Variants in SGCZ observed in about 807,000 individuals in gnomAD.
The protein encoded by SGCZ is sarcoglycan zeta.
SGCZ carries 40 observed loss-of-function variants against 41.3 expected under a neutral mutation model. The observed-to-expected ratio is 0.97, with a 90% confidence interval of 0.75 to 1.26. The LOEUF is 1.26. Among genes scored for constraint, SGCZ ranks in the 50% most tolerant of loss-of-function variants. The pLI is 0.00. For missense variants in SGCZ, 552 were observed against 369.8 expected (o/e 1.49, Z -4.04); for synonymous variants, 206 against 137.5 (o/e 1.50, Z -3.49).
intron 3 of SGCZ, chr8:14,309,733 C>G (rs541986979): frequency 6.2e-7 from 1 of 1,602,396 alleles, no homozygotes; most frequent in Non-Finnish European, 8.5e-7. Context: ...GATTTGGGAG[C>G]TGAACCAAAG....
At chr8:14,445,302 A>G (rs1800399207) in intron 2 of SGCZ, among the ~76,000 whole-genome samples, 1 of 152,172 alleles carries the variant, frequency 6.6e-6, no homozygotes, top group Non-Finnish European at 1.5e-5. Context: ...GGTTCATTCT[A>G]AACAATGTAT....
At chr8:14,431,148 C>G (rs1230603814) in intron 2 of SGCZ, among the ~76,000 whole-genome samples, 1 of 152,090 alleles carries the variant, frequency 6.6e-6, no homozygotes, top group African/African-American at 2.4e-5. Flanking sequence ...CAATTGCCAT[C>G]AAAATACCAC....
At position 14,380,633 on chromosome 8, in the gene SGCZ, C is replaced by T. The variant is rs58336745; in HGVS notation, c.235-56429G>A. ...CTTTGGGAGGCCAAGGCAGGCACAT[C>T]GTCAGGTCAACAGGTCGAGACCACC... On this transcript the variant is annotated intron_variant, in intron 2 of 7. Transcript: ENST00000382080. 2.2e-4 allele frequency among the ~76,000 whole-genome samples: 33 copies of T among 152,206 alleles called. No homozygotes were observed. In the East Asian group the frequency reaches 5.4e-3, roughly 25 times the overall value.
At chr8:15,123,937 G>A (rs374837239) in intron 1 of SGCZ, among the ~76,000 whole-genome samples, 11 of 152,000 alleles carry the variant, frequency 7.2e-5, no homozygotes, top group Middle Eastern at 3.4e-3. Flanking sequence ...ACAAAAGAGG[G>A]AAGGGTGGGT....
rs77616609 is a variant in SGCZ, at chr8:14,133,836, A to T, written c.548-25601T>A. On this transcript the variant is annotated intron_variant, in intron 5 of 7. Transcript: ENST00000382080. ...TCATATTAACCTCAACATGTATTTT[A>T]AAATTACCACTACATTATACTGCAC... 9.9e-3 allele frequency among the ~76,000 whole-genome samples: 1,500 copies of T among 152,222 alleles called. 27 individuals are homozygous for T. The highest frequency in any genetic ancestry group is 0.034 in the African/African-American group (1,410 of 41,518).
chr8:15,205,821 A>G (rs1424317678), intron 1 of SGCZ, among the ~76,000 whole-genome samples: 1 of 152,216 alleles, frequency 6.6e-6, no homozygotes, highest in African/African-American at 2.4e-5. Context: ...ACAAATGTTC[A>G]TTTCAGCATT....
intron 1 of SGCZ, among the ~76,000 whole-genome samples, chr8:14,890,864 A>G (rs1182028924): frequency 6.6e-6 from 1 of 152,200 alleles, no homozygotes; most frequent in Admixed American, 6.5e-5. Flanking sequence ...ACCATTTCCA[A>G]AATCCTCAGG....
At chr8:15,128,474 G>C (rs757548786) in intron 1 of SGCZ, among the ~76,000 whole-genome samples, 1 of 152,166 alleles carries the variant, frequency 6.6e-6, no homozygotes, top group Non-Finnish European at 1.5e-5. Context: ...AGCTCAGCAC[G>C]CCATCTGTTC....
chr8:14,414,125 A>G (rs1799432668), intron 2 of SGCZ, among the ~76,000 whole-genome samples: 1 of 151,980 alleles, frequency 6.6e-6, no homozygotes, highest in Admixed American at 6.6e-5. Context: ...CTTGCACATG[A>G]ATTTAAGAGA....
chr8:15,199,309 C>T (rs1206570657), intron 1 of SGCZ, among the ~76,000 whole-genome samples: 1 of 152,178 alleles, frequency 6.6e-6, no homozygotes, highest in African/African-American at 2.4e-5. Flanking sequence ...CAGCAAAAAT[C>T]TGAAGCTCAC....
Position 14,962,898 on chromosome 8 carries a change from C to CA in SGCZ, c.39+274686dup, listed in dbSNP as rs545853497. On this transcript the variant is annotated intron_variant, in intron 1 of 7. Coordinates refer to ENST00000382080, the MANE Select transcript of SGCZ (RefSeq NM_139167.4). ...TCTTTTCCATTGCAGACATGAAAAA[C>CA]AAAAAATCCATATTAAATGTCACTG... Among the ~76,000 whole-genome samples the CA allele has an allele frequency of 1.9e-3, 282 of 152,174 alleles. 1 individual carries two copies. The highest frequency in any genetic ancestry group is 6.4e-3 in the African/African-American group (267 of 41,538).
At chr8:14,548,242 C>A (rs1318947560) in intron 2 of SGCZ, among the ~76,000 whole-genome samples, 2 of 152,004 alleles carry the variant, frequency 1.3e-5, no homozygotes, top group Non-Finnish European at 2.9e-5. Context: ...AAAGGTATAG[C>A]CCCAGGGTTC....
intron 1 of SGCZ, among the ~76,000 whole-genome samples, chr8:15,022,951 T>C (rs1293883435): frequency 6.6e-6 from 1 of 152,166 alleles, no homozygotes; most frequent in East Asian, 1.9e-4. Flanking sequence ...CAGTAAGCCT[T>C]GGACCCGACA....
In SGCZ at chr8:15,126,830, T is replaced by C. The variant is rs897436951; in HGVS notation, c.39+110755A>G. On this transcript the variant is annotated intron_variant, in intron 1 of 7. Transcript: ENST00000382080. ...GAAAAGTGGGAGATAATAGCCAATT[T>C]GACAGAGGTCAGACCTCTACTCTAG... Among the ~76,000 whole-genome samples the C allele has an allele frequency of 7.2e-5, 11 of 152,124 alleles. No individual in the cohort carries two copies. In the East Asian group the frequency reaches 2.1e-3, roughly 29 times the overall value.
chr8:14,739,189 G>A (rs1799131299), intron 1 of SGCZ, among the ~76,000 whole-genome samples: 1 of 151,904 alleles, frequency 6.6e-6, no homozygotes, highest in African/African-American at 2.4e-5. Context: ...AATCTAGGTG[G>A]AAAATAAGAT....
At chr8:14,496,429 G>A (rs1801990220) in intron 2 of SGCZ, among the ~76,000 whole-genome samples, 1 of 152,114 alleles carries the variant, frequency 6.6e-6, no homozygotes, top group Admixed American at 6.5e-5. Context: ...AATACAAGTA[G>A]TAAGTAGTAT....
intron 1 of SGCZ, among the ~76,000 whole-genome samples, chr8:14,726,130 G>A (rs1315657220): frequency 6.6e-5 from 10 of 151,184 alleles, no homozygotes; most frequent in Admixed American, 1.3e-4. Context: ...GTGGTGGCAC[G>A]CACCTGTAGT....
At chr8:14,395,534 G>C (rs973768008) in intron 2 of SGCZ, among the ~76,000 whole-genome samples, 3 of 152,154 alleles carry the variant, frequency 2.0e-5, no homozygotes, top group Non-Finnish European at 4.4e-5. Flanking sequence ...AATGGACTAG[G>C]TGAAGGTACG....
chr8:14,688,087 G>A (rs1388659372), intron 1 of SGCZ, among the ~76,000 whole-genome samples: 1 of 152,060 alleles, frequency 6.6e-6, no homozygotes, highest in East Asian at 1.9e-4. Flanking sequence ...GTAGATTTTG[G>A]ATATTAGCCC....
Sources: allele counts gnomAD v4.1 joint callset (sites outside exome capture counted in the v4.1 genomes callset), GRCh38; gene constraint gnomAD v4.1.1; transcripts MANE v1.5; gene names NCBI Gene and HGNC (gene_info 2026-07-23, HGNC 2026-07-21).